The following PKHD1 variants were observed in gnomAD, a reference collection of about 807,000 sequenced individuals.
PKHD1 encodes the protein fibrocystin.
PKHD1 carries 291 observed loss-of-function variants against 412.0 expected under a neutral mutation model. The ratio of observed to expected loss-of-function variants is 0.71; its 90% confidence interval spans 0.64 to 0.78. The LOEUF (loss-of-function observed/expected upper bound fraction) is 0.78, where lower values mean the gene tolerates loss of function less well. Ranked by LOEUF, PKHD1 falls within the 30% of genes least tolerant of loss-of-function variation. The pLI is 0.00. For synonymous variants in PKHD1, 1,777 were observed against 1,821.5 expected (o/e 0.98, Z 0.62); for missense variants, 4,825 against 4,950.7 (o/e 0.97, Z 0.76).
intron 55 of PKHD1, among the ~76,000 whole-genome samples, chr6:51,770,129 C>T (rs984901897): frequency 6.6e-6 from 1 of 151,302 alleles, no homozygotes; most frequent in East Asian, 1.9e-4. Flanking sequence ...CCTTTTTTAA[C>T]CTAATTAAAA....
intron 63 of PKHD1, among the ~76,000 whole-genome samples, chr6:51,641,064 T>C (rs2150338340): frequency 6.6e-6 from 1 of 152,332 alleles, no homozygotes; most frequent in Middle Eastern, 3.4e-3. Flanking sequence ...TGGTGCATTC[T>C]TTCTGAAGTG....
At chr6:51,840,399 T>C (rs1056302176) in intron 50 of PKHD1, among the ~76,000 whole-genome samples, 3 of 152,166 alleles carry the variant, frequency 2.0e-5, no homozygotes, top group Admixed American at 6.5e-5. Flanking sequence ...AAACAGTGAA[T>C]TTTGGGGGGG....
At chr6:51,905,871 T>G (rs566510343) in intron 41 of PKHD1, among the ~76,000 whole-genome samples, 19 of 152,160 alleles carry the variant, frequency 1.2e-4, no homozygotes, top group Non-Finnish European at 2.2e-4. Context: ...GATTTTTAAA[T>G]CCTTGGCCAA....
chr6:52,054,868 A>C (rs988854123), intron 19 of PKHD1, among the ~76,000 whole-genome samples: 3 of 152,110 alleles, frequency 2.0e-5, no homozygotes, highest in Non-Finnish European at 4.4e-5. Flanking sequence ...AGAAGGGAGG[A>C]GCTCAAGCCT....
intron 60 of PKHD1, among the ~76,000 whole-genome samples, chr6:51,671,524 G>A (rs1195277493): frequency 2.6e-5 from 4 of 152,038 alleles, no homozygotes; most frequent in African/African-American, 7.2e-5. Context: ...TAATTTGATC[G>A]TCTGAAGCCT....
Position 52,066,064 on chromosome 6 carries a change from C to T in PKHD1, c.792G>A (p.Val264=). 1 of 1,421,920 alleles carries T rather than the reference C, an allele frequency of 7.0e-7. No homozygotes were observed. The highest frequency in any genetic ancestry group is 9.8e-7 in the Non-Finnish European group (1 of 1,015,994). 88.1% of individuals were successfully genotyped at this position (1,421,920 alleles called of 1,614,324 possible). Residue 264 remains valine (V), a synonymous_variant, in exon 12 of 67, where the codon GTG becomes GTA. Transcript: ENST00000371117. ...LYQTHSEILS[V]FPETGSLGGR... is the part of the protein sequence containing the mutation. ...CCCCAAGGCTCCCAGTTTCTGGAAA[C>T]ACAGATAATATTTCTGCAAGAGTTA...
intron 36 of PKHD1, among the ~76,000 whole-genome samples, chr6:51,957,599 G>A (rs1196801892): frequency 6.6e-6 from 1 of 152,080 alleles, no homozygotes; most frequent in African/African-American, 2.4e-5. Flanking sequence ...TGAAGATCCA[G>A]CCGACGGGGT....
chr6:51,823,564 G>A (rs9463719), intron 52 of PKHD1, among the ~76,000 whole-genome samples: 64,447 of 151,944 alleles, frequency 0.42, 14,442 homozygotes, highest in Middle Eastern at 0.61. Context: ...CCCTAAGTGA[G>A]TTCTAATTAG....
At chr6:51,652,998 T>C (rs1460473023) in intron 61 of PKHD1, among the ~76,000 whole-genome samples, 1 of 152,158 alleles carries the variant, frequency 6.6e-6, no homozygotes, top group Non-Finnish European at 1.5e-5. Context: ...GTAAATTCTT[T>C]AGTCAATTCT....
At chr6:51,986,653 C>T (rs1460421293) in intron 35 of PKHD1, among the ~76,000 whole-genome samples, 2 of 152,152 alleles carry the variant, frequency 1.3e-5, no homozygotes, top group Non-Finnish European at 2.9e-5. Context: ...ACAGAAAAGC[C>T]TTCGCAATGT....
rs77641014 is a variant in PKHD1 at position 51,905,996 on chromosome 6, T to C, written c.6808+219A>G. Among the ~76,000 whole-genome samples, 151 of 152,292 alleles carry C rather than the reference T, an allele frequency of 9.9e-4. 1 individual carries two copies. In the East Asian group the frequency reaches 0.028, roughly 28 times the overall value. Reference sequence around the variant, plus strand: ...ACTTCCCATTATACACTTATTAACCTGAACTAACCTTTAAAAGATCAGTAT... The same window carrying C: ...ACTTCCCATTATACACTTATTAACCCGAACTAACCTTTAAAAGATCAGTAT... On this transcript the variant is annotated intron_variant, in intron 41 of 66. Coordinates refer to ENST00000371117, the MANE Select transcript of PKHD1 (RefSeq NM_138694.4).
chr6:51,859,572 T>C (rs571872250), intron 48 of PKHD1, among the ~76,000 whole-genome samples: 1 of 149,598 alleles, frequency 6.7e-6, no homozygotes, highest in South Asian at 2.1e-4. Context: ...GTATAATCAA[T>C]TGGGTAGATA....
At chr6:51,694,735 T>G (rs1341009915) in intron 60 of PKHD1, among the ~76,000 whole-genome samples, 1 of 151,990 alleles carries the variant, frequency 6.6e-6, no homozygotes, top group African/African-American at 2.4e-5. Flanking sequence ...CACAAAATTT[T>G]ACTGTTCAAA....
intron 60 of PKHD1, among the ~76,000 whole-genome samples, chr6:51,730,336 G>A (rs1470354170): frequency 5.9e-5 from 9 of 151,766 alleles, no homozygotes; most frequent in Admixed American, 5.9e-4. Flanking sequence ...AATTCCATGG[G>A]GTTTTCCATC....
At position 51,844,218 on chromosome 6, in the gene PKHD1, T is replaced by C. The variant is rs79797033; in HGVS notation, c.8107+3557A>G. Among the ~76,000 whole-genome samples the C allele has an allele frequency of 3.0e-4, 45 of 152,262 alleles. No homozygotes were observed. In the East Asian group the frequency reaches 8.1e-3, roughly 27 times the overall value. ...TAAGTATTTTCTTAACCTTGCTGTG[T>C]AAACAAAGCCACTGAGGCATGGAGC... is the stretch of plus-strand genomic sequence containing the variant. On this transcript the variant is annotated intron_variant, in intron 50 of 66. Transcript: ENST00000371117.
At chr6:51,925,075 A>G (rs1785314307) in intron 37 of PKHD1, among the ~76,000 whole-genome samples, 1 of 152,214 alleles carries the variant, frequency 6.6e-6, no homozygotes, top group Admixed American at 6.5e-5. Context: ...TGGACCACGC[A>G]GTCCACTTCA....
In PKHD1 at chr6:52,050,282, A is replaced by G; in HGVS notation, c.2154T>C (p.Asp718=). Residue 718 remains aspartate, a synonymous_variant, in exon 22 of 67, where the codon GAT becomes GAC. Coordinates refer to ENST00000371117, the MANE Select transcript of PKHD1 (RefSeq NM_138694.4). ...ADTNVTVSQA[D]SGTARPGGNL... ...TGCCCCCTGGGCGAGCCGTTCCAGA[A>G]TCAGCTTGAGAAACTAGAGACCAGT... The G allele has an allele frequency of 6.2e-7, 1 of 1,614,198 alleles. No homozygotes were observed. The highest frequency in any genetic ancestry group is 8.5e-7 in the Non-Finnish European group (1 of 1,180,010).
intron 60 of PKHD1, among the ~76,000 whole-genome samples, chr6:51,677,311 A>G (rs191794650): frequency 2.2e-4 from 34 of 152,224 alleles, no homozygotes; most frequent in Admixed American, 5.2e-4. Flanking sequence ...ACCATTTTCA[A>G]TGAGGAGGAT....
Position 51,909,295 on chromosome 6 carries a change from C to T in PKHD1, c.6670G>A (p.Gly2224Arg), listed in dbSNP as rs759687904. The change falls in exon 40 of 67, where the codon GGA becomes AGA. Residue 2224 changes from glycine to arginine, a missense_variant. Transcript: ENST00000371117. ...CGGACCCCCTTACCTCTCATAGCTC[C>T]CACCAGAGTGAGTGAGCTCAGATGC... is the stretch of plus-strand genomic sequence containing the variant. ...HKHLSSLTLV[G>R]AMRESFIQGC... The T allele has an allele frequency of 1.2e-6, 2 of 1,612,842 alleles. No homozygotes were observed. Among genetic ancestry groups the T allele is most frequent in the Non-Finnish European group, 8.5e-7 (1 of 1,179,156 alleles).
Sources: gnomAD v4.1 joint callset for allele counts (sites outside exome capture counted in the v4.1 genomes callset) on GRCh38, gnomAD v4.1.1 for gene constraint, MANE v1.5 for transcripts, NCBI Gene and HGNC (gene_info 2026-07-23, HGNC 2026-07-21) for gene names.